NMNAT3: variants seen among roughly 807,000 people sequenced by gnomAD.
NMNAT3 encodes the protein nicotinamide/nicotinic acid mononucleotide adenylyltransferase 3.
In NMNAT3, 21 loss-of-function variants were observed where a neutral mutation model predicts 24.8. The ratio of observed to expected loss-of-function variants is 0.85; its 90% CI spans 0.60 to 1.22. The LOEUF is 1.22. Ranked by LOEUF, NMNAT3 falls within the 50% of genes most tolerant of loss-of-function variation. NMNAT3 has a pLI of 0.00. For synonymous variants in NMNAT3, 136 were observed against 155.2 expected (o/e 0.88, Z 0.92); for missense variants, 387 against 436.6 (o/e 0.89, Z 1.01).
At chr3:139,645,503 G>T (rs2056841864) in intron 1 of NMNAT3, among the ~76,000 whole-genome samples, 1 of 152,068 alleles carries the variant, frequency 6.6e-6, no homozygotes, top group Non-Finnish European at 1.5e-5. Context: ...TTTTTTCTCT[G>T]TTATTCTTAG....
chr3:139,673,359 T>C (rs2108463153), intron 1 of NMNAT3, among the ~76,000 whole-genome samples: 1 of 152,296 alleles, frequency 6.6e-6, no homozygotes, highest in East Asian at 1.9e-4. Context: ...ACAGCATTAT[T>C]CTCCCATTTG....
At chr3:139,573,136 C>T (rs367963158) in intron 6 of NMNAT3, among the ~76,000 whole-genome samples, 5 of 152,182 alleles carry the variant, frequency 3.3e-5, no homozygotes, top group East Asian at 1.9e-4. Context: ...TAATCCAAAC[C>T]AACTTTAAAT....
intron 1 of NMNAT3, among the ~76,000 whole-genome samples, chr3:139,658,915 C>T (rs957535412): frequency 2.0e-5 from 3 of 152,076 alleles, no homozygotes; most frequent in Non-Finnish European, 2.9e-5. Flanking sequence ...CCTTGTGTCC[C>T]TTCCCTCTCA....
intron 1 of NMNAT3, among the ~76,000 whole-genome samples, chr3:139,638,529 CT>C (rs929555016): frequency 8.0e-5 from 12 of 149,990 alleles, no homozygotes; most frequent in African/African-American, 3.0e-4. Context: ...CATCATGGCC[CT>C]TCTAGTGCCC....
chr3:139,623,783 A>G (rs529637471), intron 3 of NMNAT3, among the ~76,000 whole-genome samples: 5 of 152,252 alleles, frequency 3.3e-5, no homozygotes, highest in African/African-American at 1.2e-4. Context: ...GGATTTCACC[A>G]TCTTGGCCAG....
intron 4 of NMNAT3, among the ~76,000 whole-genome samples, chr3:139,581,793 C>T (rs2053629331): frequency 1.3e-5 from 2 of 152,046 alleles, no homozygotes; most frequent in East Asian, 1.9e-4. Context: ...CATTTTCTAA[C>T]TTGTAGTGAT....
intron 3 of NMNAT3, among the ~76,000 whole-genome samples, chr3:139,604,085 T>C (rs139216999): frequency 6.4e-4 from 98 of 152,282 alleles, no homozygotes; most frequent in Middle Eastern, 3.4e-3. Context: ...GTCCCTCAAT[T>C]ACCTCTATGA....
chr3:139,643,946 G>A (rs1403872838), intron 1 of NMNAT3, among the ~76,000 whole-genome samples: 1 of 152,164 alleles, frequency 6.6e-6, no homozygotes, highest in Non-Finnish European at 1.5e-5. Context: ...CAATGCCATT[G>A]CATTGCTTGT....
At chr3:139,594,886 C>A (rs1265402680) in intron 3 of NMNAT3, among the ~76,000 whole-genome samples, 1 of 152,196 alleles carries the variant, frequency 6.6e-6, no homozygotes, top group African/African-American at 2.4e-5. Context: ...GAAGCATTTC[C>A]TTTGAAAACG....
At chr3:139,582,190 C>CAAAAAAAAAAAAAAAAAAA (rs756159164) in intron 4 of NMNAT3, among the ~76,000 whole-genome samples, 2 of 23,072 alleles carry the variant, frequency 8.7e-5, no homozygotes, top group African/African-American at 1.3e-4. Context: ...GACTCCCTCT[C>CAAAAAAAAAAAAAAAAAAA]AAAAAAAAAA....
intron 1 of NMNAT3, among the ~76,000 whole-genome samples, chr3:139,673,731 C>A (rs1326588144): frequency 6.6e-6 from 1 of 151,982 alleles, no homozygotes; most frequent in Non-Finnish European, 1.5e-5. Flanking sequence ...TTTTGACTCA[C>A]TGTTTGAATC....
At position 139,651,703 on chromosome 3, in the gene NMNAT3, G is replaced by A. The variant is rs895775775; in HGVS notation, c.-140-13641C>T. ...GAGCTGGCAGGTCTGAGGGCAGAGCGAATCCCTAGACTCCTGGTCTCAGGG... is the reference window on the plus strand; with the variant it reads ...GAGCTGGCAGGTCTGAGGGCAGAGCAAATCCCTAGACTCCTGGTCTCAGGG... On this transcript the variant is annotated intron_variant, in intron 1 of 6. Coordinates refer to ENST00000643695, the MANE Select transcript of NMNAT3 (RefSeq NM_001320510.2). Among the ~76,000 whole-genome samples, 6 of 152,138 alleles carry A rather than the reference G, an allele frequency of 3.9e-5. No homozygotes were observed. The East Asian group carries it at 9.7e-4, about 24-fold the overall frequency.
chr3:139,667,575 C>G (rs1409884151), intron 1 of NMNAT3, among the ~76,000 whole-genome samples: 3 of 152,108 alleles, frequency 2.0e-5, no homozygotes, highest in African/African-American at 7.2e-5. Flanking sequence ...ACTGAGGAAG[C>G]CTTTGGAGTG....
chr3:139,591,725 G>A (rs1453508817), intron 3 of NMNAT3, among the ~76,000 whole-genome samples: 1 of 152,190 alleles, frequency 6.6e-6, no homozygotes, highest in African/African-American at 2.4e-5. Context: ...ACCTCACAAG[G>A]CCGGGTACTC....
intron 3 of NMNAT3, among the ~76,000 whole-genome samples, chr3:139,606,985 C>T (rs1383404561): frequency 6.6e-6 from 1 of 152,030 alleles, no homozygotes; most frequent in Admixed American, 6.6e-5. Flanking sequence ...TTGTAAGCTC[C>T]CTGCCCCAGC....
intron 3 of NMNAT3, among the ~76,000 whole-genome samples, chr3:139,590,145 AC>A (rs1315690735): frequency 2.0e-5 from 3 of 152,346 alleles, no homozygotes; most frequent in African/African-American, 4.8e-5. Context: ...ATTTGTCTGT[AC>A]TAAGAAGAGT....
intron 6 of NMNAT3, chr3:139,567,504 G>T (rs1012576527): frequency 6.6e-6 from 1 of 152,064 alleles, no homozygotes; most frequent in African/African-American, 2.4e-5. Context: ...GTTTGTCATA[G>T]ATAGCTCTTA....
chr3:139,651,724 C>T (rs1362578386), intron 1 of NMNAT3, among the ~76,000 whole-genome samples: 1 of 152,186 alleles, frequency 6.6e-6, no homozygotes, highest in Non-Finnish European at 1.5e-5. Flanking sequence ...CTCCTGGTCT[C>T]AGGGTCCCAG....
intron 5 of NMNAT3, among the ~76,000 whole-genome samples, chr3:139,574,698 C>A (rs1399577903): frequency 1.3e-5 from 2 of 151,984 alleles, no homozygotes; most frequent in Non-Finnish European, 2.9e-5. Flanking sequence ...ACCCTGACAC[C>A]CTGTAGCATT....
Sources: allele counts gnomAD v4.1 joint callset (sites outside exome capture counted in the v4.1 genomes callset), GRCh38; gene constraint gnomAD v4.1.1; transcripts MANE v1.5; gene names NCBI Gene and HGNC (gene_info 2026-07-23, HGNC 2026-07-21).